The following JAKMIP2 variants were observed in gnomAD, a reference collection of about 807,000 sequenced individuals.
The protein encoded by JAKMIP2 is janus kinase and microtubule interacting protein 2.
JAKMIP2 carries 25 observed loss-of-function variants against 115.0 expected under a neutral mutation model. The ratio of observed to expected loss-of-function variants is 0.22; its 90% CI spans 0.16 to 0.30. The LOEUF (loss-of-function observed/expected upper bound fraction) is 0.30. Among genes scored for constraint, JAKMIP2 ranks in the 10% least tolerant of loss-of-function variants. The pLI is 1.00. For synonymous variants in JAKMIP2, 334 were observed against 343.6 expected (o/e 0.97, Z 0.31); for missense variants, 642 against 957.6 (o/e 0.67, Z 4.35).
intron 1 of JAKMIP2, among the ~76,000 whole-genome samples, chr5:147,719,638 A>C (rs1753175565): frequency 1.3e-5 from 2 of 151,710 alleles, no homozygotes; most frequent in African/African-American, 4.9e-5. Context: ...TTGTTGGTTT[A>C]AAGTCTGTTT....
At chr5:147,674,031 C>T (rs1759783916) in intron 1 of JAKMIP2, among the ~76,000 whole-genome samples, 1 of 152,108 alleles carries the variant, frequency 6.6e-6, no homozygotes, top group Non-Finnish European at 1.5e-5. Flanking sequence ...CTTGTATATA[C>T]ATACAACACT....
At chr5:147,742,725 T>C (rs1220144159) in intron 1 of JAKMIP2, among the ~76,000 whole-genome samples, 3 of 152,190 alleles carry the variant, frequency 2.0e-5, no homozygotes, top group Non-Finnish European at 4.4e-5. Context: ...ATCCTACGTT[T>C]GTTATGTCAG....
chr5:147,656,783 T>C (rs554725001), intron 3 of JAKMIP2, among the ~76,000 whole-genome samples: 1 of 152,308 alleles, frequency 6.6e-6, no homozygotes, highest in Non-Finnish European at 1.5e-5. Context: ...CATAGTGTCA[T>C]TGGTCTTTAT....
intron 1 of JAKMIP2, among the ~76,000 whole-genome samples, chr5:147,718,790 T>A (rs182482542): frequency 2.5e-4 from 38 of 152,224 alleles, no homozygotes; most frequent in African/African-American, 9.1e-4. Context: ...GATCCTTTCA[T>A]AAAACCAGCT....
chr5:147,647,763 G>C (rs1469281840), intron 5 of JAKMIP2, among the ~76,000 whole-genome samples: 1 of 152,108 alleles, frequency 6.6e-6, no homozygotes, highest in Non-Finnish European at 1.5e-5. Flanking sequence ...TATTGATGCT[G>C]ACTACATCCA....
chr5:147,626,994 C>A (rs975340472), intron 16 of JAKMIP2, among the ~76,000 whole-genome samples: 1 of 152,108 alleles, frequency 6.6e-6, no homozygotes, highest in African/African-American at 2.4e-5. Flanking sequence ...GTCTTATGAG[C>A]ATTCACAAAT....
chr5:147,639,835 T>A, intron 9 of JAKMIP2, 75 bp from the exon 10 acceptor site: 1 of 1,527,014 alleles, frequency 6.5e-7, no homozygotes, highest in Non-Finnish European at 8.8e-7. Flanking sequence ...AATATTAACA[T>A]TTGCCCACTT....
chr5:147,742,945 G>A (rs1456548799), intron 1 of JAKMIP2, among the ~76,000 whole-genome samples: 1 of 152,142 alleles, frequency 6.6e-6, no homozygotes, highest in Non-Finnish European at 1.5e-5. Context: ...TTGGAAACCT[G>A]AAATAGAACT....
At chr5:147,599,954 C>G (rs1460853589) in intron 21 of JAKMIP2, among the ~76,000 whole-genome samples, 1 of 152,166 alleles carries the variant, frequency 6.6e-6, no homozygotes. Flanking sequence ...CTTTGGCCAG[C>G]ATTGATGTTA....
intron 1 of JAKMIP2, among the ~76,000 whole-genome samples, chr5:147,780,796 CAGATGCAAGACT>C (rs1349572916): frequency 6.6e-6 from 1 of 152,082 alleles, no homozygotes; most frequent in Non-Finnish European, 1.5e-5. Context: ...TATGTAGAAT[CAGATGCAAGACT>C]AAAGACCCAA....
chr5:147,652,680 T>A (rs1758463750), intron 3 of JAKMIP2, among the ~76,000 whole-genome samples: 1 of 152,194 alleles, frequency 6.6e-6, no homozygotes, highest in South Asian at 2.1e-4. Flanking sequence ...GTGGCTCAGA[T>A]TTACTTTTTA....
At chr5:147,727,960 C>G (rs1420751160) in intron 1 of JAKMIP2, among the ~76,000 whole-genome samples, 1 of 152,174 alleles carries the variant, frequency 6.6e-6, no homozygotes, top group African/African-American at 2.4e-5. Context: ...AGAGGGGCCA[C>G]AGACTGCGTT....
At chr5:147,664,086 A>G (rs1759174434) in intron 2 of JAKMIP2, among the ~76,000 whole-genome samples, 1 of 152,246 alleles carries the variant, frequency 6.6e-6, no homozygotes, top group Non-Finnish European at 1.5e-5. Context: ...CGATATTATT[A>G]CAACTGATTC....
At chr5:147,623,819 A>G in intron 16 of JAKMIP2, 130 bp from the exon 17 acceptor site, 1 of 553,044 alleles carries the variant, frequency 1.8e-6, no homozygotes. Flanking sequence ...AAGCAAAAAC[A>G]ACACCTTTTT....
chr5:147,732,160 C>T (rs991470519), intron 1 of JAKMIP2, among the ~76,000 whole-genome samples: 4 of 152,128 alleles, frequency 2.6e-5, no homozygotes, highest in Admixed American at 2.0e-4. Context: ...TACAGACTCC[C>T]GGTTTGCACT....
chr5:147,653,676 T>G (rs1312364626), intron 3 of JAKMIP2, among the ~76,000 whole-genome samples: 1 of 152,204 alleles, frequency 6.6e-6, no homozygotes, highest in East Asian at 1.9e-4. Context: ...TTCACTCTGA[T>G]GCGAGTTTCT....
At chr5:147,596,466 G>T (rs1234599635) in intron 21 of JAKMIP2, among the ~76,000 whole-genome samples, 2 of 151,672 alleles carry the variant, frequency 1.3e-5, no homozygotes, top group Non-Finnish European at 2.9e-5. Context: ...GTCTTCAAAT[G>T]GTATATAAAA....
At chr5:147,677,501 T>C (rs1419966361) in intron 1 of JAKMIP2, among the ~76,000 whole-genome samples, 1 of 152,120 alleles carries the variant, frequency 6.6e-6, no homozygotes, top group Non-Finnish European at 1.5e-5. Flanking sequence ...CAGAGGCAAA[T>C]GCAGCCTCTG....
At chr5:147,680,576 C>T (rs1760206006) in intron 1 of JAKMIP2, among the ~76,000 whole-genome samples, 1 of 152,222 alleles carries the variant, frequency 6.6e-6, no homozygotes, top group Non-Finnish European at 1.5e-5. Context: ...ACAAAGCCTT[C>T]TTAGTTCTTC....
Sources: gnomAD v4.1 joint callset for allele counts (sites outside exome capture counted in the v4.1 genomes callset) on GRCh38, gnomAD v4.1.1 for gene constraint, MANE v1.5 for transcripts, NCBI Gene and HGNC (gene_info 2026-07-23, HGNC 2026-07-21) for gene names.